ABCC4: variants seen among roughly 807,000 people sequenced by gnomAD.
ABCC4 encodes the protein ATP binding cassette subfamily C member 4 (PEL blood group).
ABCC4 carries 102 observed loss-of-function variants against 168.5 expected under a neutral mutation model. That is an observed-to-expected ratio of 0.61 (90% CI 0.52 to 0.71). The LOEUF is 0.71. ABCC4 is among the 30% of genes least tolerant of loss of function. The probability of loss-of-function intolerance (pLI) is 0.00; values close to 1 mark genes in which losing one functional copy is unlikely to be tolerated. For missense variants in ABCC4, 1,402 were observed against 1,605.8 expected (o/e 0.87, Z 2.17); for synonymous variants, 617 against 590.7 (o/e 1.04, Z -0.65).
intron 8 of ABCC4, among the ~76,000 whole-genome samples, chr13:95,202,390 ACT>A (rs1363276026): frequency 1.3e-5 from 2 of 152,120 alleles, no homozygotes; most frequent in Admixed American, 1.3e-4. Context: ...TCTCTGGAGA[ACT>A]CTGACTAATA....
At chr13:95,290,103 A>AAAAG (rs2041354668) in intron 1 of ABCC4, among the ~76,000 whole-genome samples, 3 of 113,700 alleles carry the variant, frequency 2.6e-5, no homozygotes, top group African/African-American at 5.5e-5. Context: ...TCTCAAAAAA[A>AAAAG]ATAGATAGAT....
chr13:95,293,529 T>G (rs1156997964), intron 1 of ABCC4, among the ~76,000 whole-genome samples: 1 of 145,312 alleles, frequency 6.9e-6, no homozygotes, highest in Non-Finnish European at 1.5e-5. Context: ...TGCAGTGGCG[T>G]GATCTTGGCT....
At chr13:95,164,228 G>A (rs2037199037) in intron 16 of ABCC4, 150 bp downstream of exon 16, 1 of 895,468 alleles carries the variant, frequency 1.1e-6, no homozygotes, top group Non-Finnish European at 1.7e-6. Context: ...TAACGGACAT[G>A]GAACACCAGT....
At chr13:95,268,784 C>T (rs943456589) in intron 1 of ABCC4, among the ~76,000 whole-genome samples, 1 of 152,138 alleles carries the variant, frequency 6.6e-6, no homozygotes, top group Non-Finnish European at 1.5e-5. Flanking sequence ...CCTGCCACAT[C>T]CCCCTCTCCG....
intron 20 of ABCC4, chr13:95,096,213 C>A: frequency 3.2e-6 from 2 of 626,138 alleles, no homozygotes; most frequent in Non-Finnish European, 5.7e-6. Context: ...ATTCAATGGG[C>A]TGGCAGCAGA....
intron 30 of ABCC4, among the ~76,000 whole-genome samples, chr13:95,031,221 G>C (rs2031862131): frequency 6.6e-6 from 1 of 152,232 alleles, no homozygotes; most frequent in Non-Finnish European, 1.5e-5. Flanking sequence ...ACTTGGATGA[G>C]AATCAAGCTG....
At position 95,234,677 on chromosome 13, in the gene ABCC4, T is replaced by A. The variant is rs2039713905; in HGVS notation, c.464A>T (p.Tyr155Phe). The A allele has an allele frequency of 6.2e-7, 1 of 1,613,894 alleles. No individual in the cohort carries two copies. Among genetic ancestry groups the A allele is most frequent in the Non-Finnish European group, 8.5e-7 (1 of 1,180,018 alleles). ...CCCAGCACACTGAACGTGATAAAAATATAAGTGATGCAGTATAGCCAAAAT... is the reference window on the plus strand; with the variant it reads ...CCCAGCACACTGAACGTGATAAAAAAATAAGTGATGCAGTATAGCCAAAAT... ...TLILAILHHL[Y>F]FYHVQCAGMR... The change falls in exon 4 of 31, where the codon TAT becomes TTT. Residue 155 changes from tyrosine (Y) to phenylalanine (F), a missense_variant. By Grantham distance (22) the Tyr-to-Phe change is conservative. This residue lies in a region of ABCC4 where 317 missense variants were observed against 345.5 expected (regional missense o/e 0.92). Transcript: ENST00000645237.
At chr13:95,100,430 C>T (rs2034755925) in intron 20 of ABCC4, among the ~76,000 whole-genome samples, 1 of 152,172 alleles carries the variant, frequency 6.6e-6, no homozygotes, top group South Asian at 2.1e-4. Flanking sequence ...CTGCTTTCTA[C>T]ATGTGCTATC....
intron 27 of ABCC4, 34 bp downstream of exon 27, chr13:95,053,061 A>G (rs1417963698): frequency 1.3e-6 from 2 of 1,564,580 alleles, no homozygotes; most frequent in Non-Finnish European, 1.8e-6. Context: ...TACTGAGGCT[A>G]ACAGACTAAA....
chr13:95,189,373 G>A (rs942145864), intron 9 of ABCC4, among the ~76,000 whole-genome samples: 1 of 151,452 alleles, frequency 6.6e-6, no homozygotes, highest in African/African-American at 2.4e-5. Context: ...CGCCCGCCTC[G>A]GCCTCCCAAA....
intron 4 of ABCC4, among the ~76,000 whole-genome samples, chr13:95,228,569 G>A (rs73546809): frequency 0.021 from 3,234 of 152,210 alleles, 129 homozygotes; most frequent in African/African-American, 0.073. Context: ...GAGGTTTGGA[G>A]TTCGCGACCA....
At chr13:95,056,153 C>G (rs1372173506) in intron 26 of ABCC4, among the ~76,000 whole-genome samples, 1 of 152,146 alleles carries the variant, frequency 6.6e-6, no homozygotes, top group East Asian at 1.9e-4. Context: ...CAGGACAAAG[C>G]ACAATACTTT....
chr13:95,272,150 T>C (rs1281910274), intron 1 of ABCC4, among the ~76,000 whole-genome samples: 1 of 152,102 alleles, frequency 6.6e-6, no homozygotes, highest in Non-Finnish European at 1.5e-5. Context: ...GTTCAAGTGA[T>C]TCTCCTGCCT....
chr13:95,232,365 G>A (rs543080502), intron 4 of ABCC4, among the ~76,000 whole-genome samples: 122 of 152,206 alleles, frequency 8.0e-4, no homozygotes, highest in Non-Finnish European at 1.0e-3. Flanking sequence ...AAGTGACAAC[G>A]AGGTCAAAGA....
intron 20 of ABCC4, chr13:95,095,944 T>C (rs1461188615): frequency 1.0e-5 from 4 of 388,708 alleles, no homozygotes; most frequent in Non-Finnish European, 1.4e-5. Flanking sequence ...GACACTTAAA[T>C]AGGTGCTTAC....
chr13:95,274,919 A>G (rs2040936886), intron 1 of ABCC4, among the ~76,000 whole-genome samples: 1 of 152,032 alleles, frequency 6.6e-6, no homozygotes, highest in Non-Finnish European at 1.5e-5. Flanking sequence ...TCTACTAAAA[A>G]CACAAAAATT....
chr13:95,292,869 G>A (rs1202286191), intron 1 of ABCC4, among the ~76,000 whole-genome samples: 2 of 152,124 alleles, frequency 1.3e-5, no homozygotes, highest in Non-Finnish European at 2.9e-5. Flanking sequence ...GAGCTACGTC[G>A]CAGGCCACAA....
intron 4 of ABCC4, among the ~76,000 whole-genome samples, chr13:95,219,907 G>A (rs1248409594): frequency 6.8e-6 from 1 of 146,900 alleles, no homozygotes; most frequent in Non-Finnish European, 1.5e-5. Flanking sequence ...CCAGGCTGGA[G>A]TGCAATGGCA....
intron 26 of ABCC4, 117 bp downstream of exon 26, chr13:95,062,587 A>G: frequency 1.1e-6 from 1 of 942,644 alleles, no homozygotes; most frequent in East Asian, 2.4e-5. Flanking sequence ...AACATGCTCT[A>G]TTGGGTGAAA....
Sources: allele counts gnomAD v4.1 joint callset (sites outside exome capture counted in the v4.1 genomes callset), GRCh38; gene constraint gnomAD v4.1.1; regional missense constraint gnomAD v4.1.1; transcripts MANE v1.5; gene names NCBI Gene and HGNC (gene_info 2026-07-23, HGNC 2026-07-21).